PDE8B: variants seen among roughly 807,000 people sequenced by gnomAD.
The protein encoded by PDE8B is phosphodiesterase 8B.
A neutral mutation model predicts 101.3 loss-of-function variants in PDE8B; 26 were observed. The observed-to-expected ratio is 0.26, with a 90% CI of 0.19 to 0.36. PDE8B has a LOEUF of 0.36. PDE8B is among the 10% of genes least tolerant of loss of function. The probability of loss-of-function intolerance (pLI) is 1.00; values close to 1 mark genes in which losing one functional copy is unlikely to be tolerated. For missense variants in PDE8B, 810 were observed against 1,163.1 expected (o/e 0.70, Z 4.42); for synonymous variants, 424 against 429.3 (o/e 0.99, Z 0.15).
At chr5:77,113,728 C>T in the PDE8B span, 1 of 152,224 alleles carries the variant, frequency 6.6e-6, no homozygotes, top group South Asian at 2.1e-4. Flanking sequence ...GAACAAGCAA[C>T]CTACAGAATG....
At chr5:77,245,713 T>A (rs1383344957) in intron 1 of PDE8B, among the ~76,000 whole-genome samples, 1 of 152,208 alleles carries the variant, frequency 6.6e-6, no homozygotes, top group African/African-American at 2.4e-5. Flanking sequence ...ATTATTATCC[T>A]CATTTTAAAG....
the PDE8B span, chr5:77,140,595 A>AT: frequency 1.3e-5 from 2 of 152,126 alleles, no homozygotes; most frequent in Non-Finnish European, 2.9e-5. Flanking sequence ...TCCAATAGGA[A>AT]TGGCACCAGG....
Position 77,210,986 on chromosome 5 carries a change from G to A in PDE8B, c.61G>A (p.Asp21Asn), listed in dbSNP as rs1250653333. ...QSGVIYCRDS[D>N]ESSSPRQTTS... ...CGGCGTGATCTACTGCCGGGACTCG[G>A]ACGAGTCCAGCTCGCCCCGCCAGAC... Residue 21 changes from aspartate (D) to asparagine (N), a missense_variant, in exon 1 of 22, where the codon GAC becomes AAC. This residue lies in a region of PDE8B where 159 missense variants were observed against 146.6 expected (regional missense o/e 1.08). Transcript: ENST00000264917. This position sits in a 1 kb window ranked among gnomAD's most constrained non-coding sequence, Gnocchi z 4.9. 2 of 1,541,840 alleles carry A rather than the reference G, an allele frequency of 1.3e-6. No homozygotes were observed. Among genetic ancestry groups the A allele is most frequent in the South Asian group, 1.2e-5 (1 of 85,042 alleles).
chr5:77,337,163 C>T (rs1778348115), intron 5 of PDE8B, 64 bp from the exon 6 acceptor site: 1 of 883,310 alleles, frequency 1.1e-6, no homozygotes, highest in Non-Finnish European at 1.9e-6. Flanking sequence ...TGTTAAGTTT[C>T]TCTATTTGAC....
At chr5:77,154,662 A>G in the PDE8B span, among the ~76,000 whole-genome samples, 2 of 152,156 alleles carry the variant, frequency 1.3e-5, no homozygotes, top group Non-Finnish European at 2.9e-5. Context: ...TAGCATCATC[A>G]TCTCCCAGAT....
At chr5:77,366,750 G>A (rs1295011035) in intron 10 of PDE8B, among the ~76,000 whole-genome samples, 1 of 152,188 alleles carries the variant, frequency 6.6e-6, no homozygotes, top group African/African-American at 2.4e-5. Context: ...TGTCTGAACA[G>A]TGGCCCCAGA....
At chr5:77,173,945 T>C in the PDE8B span, among the ~76,000 whole-genome samples, 1 of 152,198 alleles carries the variant, frequency 6.6e-6, no homozygotes, top group African/African-American at 2.4e-5. Context: ...ATTAGCACAC[T>C]CTGTCCTTGG....
At chr5:77,310,515 A>G (rs116416532) in intron 1 of PDE8B, among the ~76,000 whole-genome samples, 2,615 of 152,344 alleles carry the variant, frequency 0.017, 76 homozygotes, top group African/African-American at 0.059. Context: ...ACTCAACATG[A>G]GCCTGTCACT....
At chr5:77,393,592 A>G (rs2150943348) in intron 10 of PDE8B, among the ~76,000 whole-genome samples, 1 of 152,328 alleles carries the variant, frequency 6.6e-6, no homozygotes, top group East Asian at 1.9e-4. Flanking sequence ...TAGTCTCACT[A>G]TACTTGGCCT....
chr5:77,397,133 AG>A, intron 10 of PDE8B, among the ~76,000 whole-genome samples: 1 of 146,206 alleles, frequency 6.8e-6, no homozygotes, highest in Non-Finnish European at 1.5e-5. Context: ...CCTGGGTTCA[AG>A]CAGTTCTGTC....
chr5:77,321,686 T>C (rs1775117924), intron 2 of PDE8B, among the ~76,000 whole-genome samples: 1 of 152,246 alleles, frequency 6.6e-6, no homozygotes, highest in Non-Finnish European at 1.5e-5. Flanking sequence ...CTCTGAAGTA[T>C]ATATTCTTTA....
chr5:77,327,432 G>T (rs978992122), intron 3 of PDE8B, among the ~76,000 whole-genome samples: 1 of 152,172 alleles, frequency 6.6e-6, no homozygotes, highest in Non-Finnish European at 1.5e-5. Context: ...CTCCAGCCCA[G>T]TTATGCTCAT....
intron 14 of PDE8B, 27 bp from the exon 15 acceptor site, chr5:77,411,649 T>C: frequency 6.3e-7 from 1 of 1,585,242 alleles, no homozygotes; most frequent in Non-Finnish European, 8.7e-7. Flanking sequence ...TAAAGCATGC[T>C]TCTAACAGGC....
intron 10 of PDE8B, among the ~76,000 whole-genome samples, chr5:77,373,281 G>C (rs905931101): frequency 6.6e-6 from 1 of 151,640 alleles, no homozygotes; most frequent in African/African-American, 2.4e-5. Flanking sequence ...CTTTTTTCTA[G>C]CTTCTTAGGT....
At chr5:77,204,574 C>A in the PDE8B span, among the ~76,000 whole-genome samples, 1 of 152,166 alleles carries the variant, frequency 6.6e-6, no homozygotes, top group African/African-American at 2.4e-5. Context: ...GTTTCAGAGT[C>A]TTCCACCTTC....
chr5:77,140,667 A>T, the PDE8B span: 5 of 152,196 alleles, frequency 3.3e-5, no homozygotes, highest in African/African-American at 1.2e-4. Context: ...GATTTGGGGG[A>T]ACTTATGTAC....
At chr5:77,408,863 C>A in intron 13 of PDE8B, 30 bp from the exon 14 acceptor site, 3 of 1,584,258 alleles carry the variant, frequency 1.9e-6, no homozygotes, top group Non-Finnish European at 1.7e-6. Context: ...CCCTATTATC[C>A]TCAGATGTAT....
the PDE8B span, among the ~76,000 whole-genome samples, chr5:77,185,126 C>G: frequency 4.4e-3 from 672 of 152,290 alleles, 3 homozygotes; most frequent in African/African-American, 0.015. Flanking sequence ...AAGAACTAGT[C>G]ACACAGACCT....
intron 11 of PDE8B, 87 bp from the exon 12 acceptor site, chr5:77,404,633 T>G: frequency 1.2e-6 from 1 of 824,470 alleles, no homozygotes; most frequent in Non-Finnish European, 2.1e-6. Context: ...TTGTTTTCTT[T>G]AGAGAATAAA....
Sources: allele counts gnomAD v4.1 joint callset (sites outside exome capture counted in the v4.1 genomes callset), GRCh38; gene constraint gnomAD v4.1.1; regional missense constraint gnomAD v4.1.1; non-coding constraint Gnocchi (gnomAD v3.1); transcripts MANE v1.5; gene names NCBI Gene and HGNC (gene_info 2026-07-23, HGNC 2026-07-21).